STXBP5L: variants seen among roughly 807,000 people sequenced by gnomAD.
STXBP5L encodes syntaxin binding protein 5L, also known as syntaxin-binding protein 5-like.
A neutral mutation model predicts 144.5 loss-of-function variants in STXBP5L; 65 were observed. The observed-to-expected ratio is 0.45, with a 90% confidence interval of 0.37 to 0.55. The LOEUF (loss-of-function observed/expected upper bound fraction) is 0.55. Ranked by LOEUF, STXBP5L falls within the 20% of genes least tolerant of loss-of-function variation. STXBP5L has a pLI of 0.00. For synonymous variants in STXBP5L, 505 were observed against 469.6 expected (o/e 1.08, Z -0.97); for missense variants, 1,298 against 1,405.5 (o/e 0.92, Z 1.22).
intron 5 of STXBP5L, among the ~76,000 whole-genome samples, chr3:121,111,516 C>A (rs1235590923): frequency 6.6e-6 from 1 of 152,174 alleles, no homozygotes; most frequent in Non-Finnish European, 1.5e-5. Context: ...CCACTCCAGA[C>A]CCTATTTGCC....
intron 22 of STXBP5L, among the ~76,000 whole-genome samples, chr3:121,405,947 T>A (rs2046985320): frequency 6.6e-6 from 1 of 152,122 alleles, no homozygotes; most frequent in African/African-American, 2.4e-5. Context: ...CTTTTTAACC[T>A]ACTGTCAGCC....
intron 12 of STXBP5L, among the ~76,000 whole-genome samples, chr3:121,234,272 G>T (rs948491804): frequency 6.6e-6 from 1 of 151,622 alleles, no homozygotes; most frequent in African/African-American, 2.4e-5. Context: ...TATGTTCTTC[G>T]CCCACTGATC....
At chr3:121,360,649 TA>T (rs1430290840) in intron 20 of STXBP5L, among the ~76,000 whole-genome samples, 2 of 152,112 alleles carry the variant, frequency 1.3e-5, no homozygotes, top group Non-Finnish European at 2.9e-5. Context: ...ACTATTTGCA[TA>T]AACCAACAGT....
At chr3:121,179,243 C>T (rs1282091325) in intron 9 of STXBP5L, among the ~76,000 whole-genome samples, 1 of 152,008 alleles carries the variant, frequency 6.6e-6, no homozygotes, top group East Asian at 1.9e-4. Flanking sequence ...TGAACTCACC[C>T]ACACACCAAG....
chr3:121,301,207 T>A (rs1297907023), intron 19 of STXBP5L, among the ~76,000 whole-genome samples: 3 of 152,218 alleles, frequency 2.0e-5, no homozygotes, highest in African/African-American at 7.2e-5. Flanking sequence ...TTTGTTTGTA[T>A]CCTCCTTTAT....
chr3:121,153,786 ATAAG>A (rs1200627918), intron 8 of STXBP5L, among the ~76,000 whole-genome samples: 1 of 151,936 alleles, frequency 6.6e-6, no homozygotes, highest in African/African-American at 2.4e-5. Flanking sequence ...AAATAATCTG[ATAAG>A]TAATATCATG....
chr3:121,169,459 G>C lies in STXBP5L; in HGVS notation c.877+11832G>C, dbSNP rs181489038. ...TCAGGAAACCCATCTCAGGTGCTAA[G>C]ATATACATAGGTTCAAAATAAAGGG... On this transcript the variant is annotated intron_variant, in intron 9 of 26. Transcript: ENST00000471454. Among the ~76,000 whole-genome samples, 8 of 152,254 alleles carry C rather than the reference G, an allele frequency of 5.3e-5. No individual in the cohort carries two copies. The East Asian group carries it at 1.2e-3, about 22-fold the overall frequency.
intron 9 of STXBP5L, among the ~76,000 whole-genome samples, chr3:121,185,710 A>G (rs533042236): frequency 1.6e-4 from 25 of 152,298 alleles, no homozygotes; most frequent in Middle Eastern, 3.4e-3. Flanking sequence ...GCCTTGTAGC[A>G]TAGTTCAAAG....
In STXBP5L at chr3:120,922,838, G is replaced by A. The variant is rs534311887; in HGVS notation, c.189+13071G>A. Reference sequence around the variant, plus strand: ...TGGCCTGTAGTTTTCTTTTTTTATTGTGTCTTTGTCTGGTTTTCATAATTC... The same window carrying A: ...TGGCCTGTAGTTTTCTTTTTTTATTATGTCTTTGTCTGGTTTTCATAATTC... On this transcript the variant is annotated intron_variant, in intron 2 of 26. Transcript: ENST00000471454. 3.3e-5 allele frequency among the ~76,000 whole-genome samples: 5 copies of A among 151,870 alleles called. No homozygotes were observed. The East Asian group carries it at 9.7e-4, about 29-fold the overall frequency.
intron 22 of STXBP5L, among the ~76,000 whole-genome samples, chr3:121,389,557 C>G (rs916740749): frequency 6.6e-6 from 1 of 152,020 alleles, no homozygotes; most frequent in Admixed American, 6.6e-5. Context: ...CTGCTTTAAA[C>G]ATGTCCCAGA....
intron 5 of STXBP5L, among the ~76,000 whole-genome samples, chr3:121,059,620 T>C (rs1218668452): frequency 3.9e-5 from 6 of 152,222 alleles, no homozygotes; most frequent in African/African-American, 7.2e-5. Flanking sequence ...TGGAATGTTT[T>C]TCCGTTTGTT....
chr3:121,159,458 A>G (rs1439168012), intron 9 of STXBP5L, among the ~76,000 whole-genome samples: 1 of 152,028 alleles, frequency 6.6e-6, no homozygotes, highest in Non-Finnish European at 1.5e-5. Context: ...GGTGTGAGCA[A>G]CCACACCCAA....
chr3:121,069,131 A>G (rs1423589936), intron 5 of STXBP5L, among the ~76,000 whole-genome samples: 3 of 152,154 alleles, frequency 2.0e-5, no homozygotes, highest in Admixed American at 2.0e-4. Flanking sequence ...TGTGCTACCC[A>G]TTTATAGTCA....
chr3:121,048,669 C>CT (rs1374123328), intron 5 of STXBP5L, among the ~76,000 whole-genome samples: 2 of 150,128 alleles, frequency 1.3e-5, no homozygotes, highest in Admixed American at 1.3e-4. Flanking sequence ...GTTTTCCACT[C>CT]TATCAGATCA....
rs536732504 is a variant in STXBP5L at position 121,081,103 on chromosome 3, T to C, written c.471-33822T>C. On this transcript the variant is annotated intron_variant, in intron 5 of 26. Transcript: ENST00000471454. ...ATTGGGTTAATTTGAATGCCTTGTCTCTGACCTCTGAAATTCTTTCTTCTA... is the reference window on the plus strand; with the variant it reads ...ATTGGGTTAATTTGAATGCCTTGTCCCTGACCTCTGAAATTCTTTCTTCTA... Among the ~76,000 whole-genome samples the C allele has an allele frequency of 2.0e-5, 3 of 152,186 alleles. No individual in the cohort carries two copies. In the South Asian group the frequency reaches 6.2e-4, roughly 32 times the overall value.
At chr3:120,953,971 G>A (rs1288279078) in intron 2 of STXBP5L, among the ~76,000 whole-genome samples, 1 of 152,030 alleles carries the variant, frequency 6.6e-6, no homozygotes, top group Non-Finnish European at 1.5e-5. Context: ...AGATGTATAA[G>A]GCAGGAACAG....
At chr3:121,389,645 C>T (rs1459949167) in intron 22 of STXBP5L, among the ~76,000 whole-genome samples, 1 of 152,110 alleles carries the variant, frequency 6.6e-6, no homozygotes, top group African/African-American at 2.4e-5. Context: ...GTTATTTACC[C>T]AGTAGTCATT....
At chr3:121,216,041 A>ATC (rs556192045) in intron 10 of STXBP5L, among the ~76,000 whole-genome samples, 63 of 152,024 alleles carry the variant, frequency 4.1e-4, no homozygotes, top group African/African-American at 1.5e-3. Context: ...TTTCAGCTCC[A>ATC]AGGTCATTTA....
chr3:121,332,407 C>CAAAAAAAAA (rs201605873), intron 20 of STXBP5L, among the ~76,000 whole-genome samples: 1 of 86,540 alleles, frequency 1.2e-5, no homozygotes, highest in Admixed American at 1.1e-4. Flanking sequence ...TAGATATTTT[C>CAAAAAAAAA]AAAAAAAAAA....
Sources: allele counts gnomAD v4.1 joint callset (sites outside exome capture counted in the v4.1 genomes callset), GRCh38; gene constraint gnomAD v4.1.1; transcripts MANE v1.5; gene names NCBI Gene and HGNC (gene_info 2026-07-23, HGNC 2026-07-21).